Variants in PPP4R2 observed in about 807,000 individuals in gnomAD.
PPP4R2 encodes protein phosphatase 4 regulatory subunit 2.
Under a neutral mutation model 47.2 loss-of-function variants are expected in PPP4R2, and 13 were observed. The observed-to-expected ratio is 0.28, with a 90% CI of 0.18 to 0.44. The LOEUF (loss-of-function observed/expected upper bound fraction) is 0.44, where lower values mean the gene tolerates loss of function less well. Ranked by LOEUF, PPP4R2 falls within the 20% of genes least tolerant of loss-of-function variation. PPP4R2 has a pLI of 1.00. For synonymous variants in PPP4R2, 151 were observed against 163.3 expected, an observed-to-expected ratio of 0.92 and a Z score of 0.57; for missense variants, 421 against 491.2, an observed-to-expected ratio of 0.86 and a Z score of 1.35.
In PPP4R2 at chr3:73,047,133, C is replaced by G. The variant is rs1044084171; in HGVS notation, c.117-53C>G. 7 of 1,037,400 alleles carry G rather than the reference C, an allele frequency of 6.7e-6. No homozygotes were observed. The African/African-American group carries it at 1.1e-4, about 17-fold the overall frequency. 64.3% of individuals were successfully genotyped at this position (1,037,400 alleles called of 1,614,324 possible). A position where few individuals can be genotyped will look rare whatever the true frequency, so the allele number is the denominator to read the frequency against. On this transcript the variant is annotated intron_variant, in intron 2 of 8. Transcript: ENST00000356692. ...ATATTTTATATTTGTGTTTTGTGTT[C>G]AAGAATTGTGAAGCTACATGGTATT...
chr3:73,018,465 A>G (rs997986604), intron 2 of PPP4R2, among the ~76,000 whole-genome samples: 11 of 88,856 alleles, frequency 1.2e-4, no homozygotes, highest in African/African-American at 4.1e-4. Flanking sequence ...ATGTTATGTT[A>G]GTATCCGAAA....
chr3:73,019,239 A>G (rs1194303130), intron 2 of PPP4R2, among the ~76,000 whole-genome samples: 1 of 152,230 alleles, frequency 6.6e-6, no homozygotes, highest in Non-Finnish European at 1.5e-5. Context: ...GGTTTGTGTA[A>G]GTGCACTCTG....
intron 2 of PPP4R2, among the ~76,000 whole-genome samples, chr3:73,046,086 T>A (rs1296883265): frequency 6.6e-6 from 1 of 152,240 alleles, no homozygotes; most frequent in Non-Finnish European, 1.5e-5. Flanking sequence ...AATTACGAGT[T>A]TGTGAAAATT....
chr3:73,059,370 C>A (rs1412297559), intron 4 of PPP4R2, among the ~76,000 whole-genome samples: 1 of 152,098 alleles, frequency 6.6e-6, no homozygotes, highest in Admixed American at 6.6e-5. Flanking sequence ...CTTATTATTT[C>A]TTGGAAATTC....
intron 5 of PPP4R2, chr3:73,061,434 T>A (rs1488029991): frequency 1.3e-5 from 2 of 156,104 alleles, no homozygotes; most frequent in East Asian, 3.7e-4. Context: ...TGATGGAAAA[T>A]ATTTCCAGTT....
intron 2 of PPP4R2, among the ~76,000 whole-genome samples, chr3:73,013,226 G>C (rs927887076): frequency 6.6e-6 from 1 of 151,724 alleles, no homozygotes; most frequent in South Asian, 2.1e-4. Flanking sequence ...CAAAATATTA[G>C]ATGGTTAGAT....
rs1701353534 is a variant in PPP4R2 at position 72,996,891 on chromosome 3, C to T, written c.-147C>T. ...GTCTTGCTCTCTCGCACGCTTCCCCCGGCTCCCTTCGTTTCCCCCCCCCGG... is the reference window on the plus strand; with the variant it reads ...GTCTTGCTCTCTCGCACGCTTCCCCTGGCTCCCTTCGTTTCCCCCCCCCGG... On this transcript the variant is annotated 5_prime_UTR_variant, in exon 1 of 9. Coordinates refer to ENST00000356692, the MANE Select transcript of PPP4R2 (RefSeq NM_174907.4). 4.3e-6 allele frequency: 2 copies of T among 465,742 alleles called. No individual in the cohort carries two copies. Among genetic ancestry groups the T allele is most frequent in the Non-Finnish European group, 7.3e-6 (2 of 272,542 alleles). 28.9% of individuals were successfully genotyped at this position (465,742 alleles called of 1,614,324 possible). A position where few individuals can be genotyped will look rare whatever the true frequency, so the allele number is the denominator to read the frequency against.
chr3:73,050,060 C>T (rs1342457357), intron 3 of PPP4R2, among the ~76,000 whole-genome samples: 5 of 152,140 alleles, frequency 3.3e-5, no homozygotes. Context: ...CCAGCCTCAA[C>T]CTCTCGAGTA....
intron 5 of PPP4R2, chr3:73,061,864 A>C (rs2231922): frequency 4.3e-6 from 2 of 467,318 alleles, no homozygotes; most frequent in Non-Finnish European, 7.7e-6. Flanking sequence ...CACCCAGCCC[A>C]GTCAATTTGT....
rs1403227895 is a variant in PPP4R2 at position 72,996,844 on chromosome 3, T to G, written c.-194T>G. ...TGTTGGAGGGTTGGTGGTAGCGGCT[T>G]GGGGAGGTGCTCGCTCTGTCGGTCT... On this transcript the variant is annotated 5_prime_UTR_variant, in exon 1 of 9. Coordinates refer to ENST00000356692, the MANE Select transcript of PPP4R2 (RefSeq NM_174907.4). 7.5e-6 allele frequency: 3 copies of G among 399,074 alleles called. No homozygotes were observed. The highest frequency in any genetic ancestry group is 1.2e-4 in the South Asian group (1 of 8,158). 24.7% of individuals were successfully genotyped at this position (399,074 alleles called of 1,614,324 possible).
chr3:73,004,085 C>G (rs1271238385), intron 2 of PPP4R2, among the ~76,000 whole-genome samples: 1 of 152,064 alleles, frequency 6.6e-6, no homozygotes, highest in Non-Finnish European at 1.5e-5. Context: ...ATCTGCCTGT[C>G]TCGGCCTCCC....
intron 3 of PPP4R2, among the ~76,000 whole-genome samples, chr3:73,048,034 A>G (rs1702521907): frequency 6.6e-6 from 1 of 151,850 alleles, no homozygotes; most frequent in African/African-American, 2.4e-5. Context: ...ATGCCACCAC[A>G]CCCGGCTAAT....
chr3:73,021,982 C>T (rs1369216270), intron 2 of PPP4R2, among the ~76,000 whole-genome samples: 18 of 151,064 alleles, frequency 1.2e-4, no homozygotes, highest in African/African-American at 3.6e-4. Context: ...CTGTAGCCTC[C>T]GCTTCCCAGG....
intron 2 of PPP4R2, 107 bp from the exon 3 acceptor site, chr3:73,047,079 C>A (rs1702501163): frequency 1.6e-6 from 1 of 630,796 alleles, no homozygotes; most frequent in Non-Finnish European, 2.6e-6. Context: ...TTATTCACAT[C>A]TTAATTTTGT....
chr3:73,013,528 A>G (rs2107231221), intron 2 of PPP4R2, among the ~76,000 whole-genome samples: 1 of 152,252 alleles, frequency 6.6e-6, no homozygotes, highest in East Asian at 1.9e-4. Flanking sequence ...TTTCTTGTAT[A>G]TTCTTAACAG....
intron 3 of PPP4R2, among the ~76,000 whole-genome samples, 193 bp from the exon 4 acceptor site, chr3:73,058,844 G>A (rs576718343): frequency 1.4e-5 from 1 of 71,348 alleles, no homozygotes; most frequent in South Asian, 5.0e-4. Flanking sequence ...TGGTTTTTTT[G>A]TTAAATAGAA....
chr3:73,063,098 T>C (rs1274653468), intron 5 of PPP4R2: 1 of 578,716 alleles, frequency 1.7e-6, no homozygotes, highest in Non-Finnish European at 3.1e-6. Context: ...ATTGGGGAGC[T>C]GTCACCACGA....
chr3:73,005,392 T>C (rs901429026), intron 2 of PPP4R2, among the ~76,000 whole-genome samples: 9 of 151,868 alleles, frequency 5.9e-5, no homozygotes, highest in Non-Finnish European at 7.4e-5. Flanking sequence ...TCTTTCAATA[T>C]GAATTTTTAA....
chr3:73,025,638 T>G (rs1054067855), intron 2 of PPP4R2, among the ~76,000 whole-genome samples: 1 of 152,192 alleles, frequency 6.6e-6, no homozygotes, highest in Non-Finnish European at 1.5e-5. Flanking sequence ...GCATTTCAAC[T>G]TAGTCTGGGC....
Sources: gnomAD v4.1 joint callset for allele counts (sites outside exome capture counted in the v4.1 genomes callset) on GRCh38, gnomAD v4.1.1 for gene constraint, MANE v1.5 for transcripts, NCBI Gene and HGNC (gene_info 2026-07-23, HGNC 2026-07-21) for gene names.